The following SEH1L variants were observed in gnomAD, a reference collection of about 807,000 sequenced individuals.
SEH1L encodes nucleoporin SEH1.
A neutral mutation model predicts 49.5 loss-of-function variants in SEH1L; 18 were observed. The observed-to-expected ratio is 0.36, with a 90% CI of 0.25 to 0.54. SEH1L has a LOEUF of 0.54. SEH1L is among the 20% of genes least tolerant of loss of function. The pLI, the probability that SEH1L is intolerant of heterozygous loss-of-function variation, is 0.87. For missense variants in SEH1L, 404 were observed against 528.8 expected (o/e 0.76, Z 2.31); for synonymous variants, 169 against 178.1 (o/e 0.95, Z 0.41).
chr18:12,949,109 TCGGC>T (rs2030328677), intron 1 of SEH1L, among the ~76,000 whole-genome samples: 1 of 150,040 alleles, frequency 6.7e-6, no homozygotes, highest in African/African-American at 2.4e-5. Context: ...TCCACCCGCC[TCGGC>T]GCCTCGGCCT....
chr18:12,967,824 G>A (rs903278043), intron 4 of SEH1L, among the ~76,000 whole-genome samples: 5 of 152,080 alleles, frequency 3.3e-5, no homozygotes, highest in African/African-American at 1.2e-4. Flanking sequence ...TGAGGCAGGA[G>A]AATCGCTTGA....
chr18:12,978,724 A>C (rs771825366), intron 5 of SEH1L, 28 bp from the exon 6 acceptor site: 2 of 1,586,100 alleles, frequency 1.3e-6, no homozygotes, highest in South Asian at 2.2e-5. Flanking sequence ...TATTTCTAAA[A>C]TGTTAATGTC....
chr18:12,975,063 G>A (rs2031862027), intron 5 of SEH1L, among the ~76,000 whole-genome samples: 1 of 151,434 alleles, frequency 6.6e-6, no homozygotes, highest in African/African-American at 2.4e-5. Flanking sequence ...TGTGATCTCG[G>A]CTCACCGTAA....
At chr18:12,956,394 G>A (rs1288853000) in intron 3 of SEH1L, among the ~76,000 whole-genome samples, 1 of 150,324 alleles carries the variant, frequency 6.7e-6, no homozygotes, top group African/African-American at 2.4e-5. Context: ...AATTTAATGG[G>A]CCAAATTCAG....
At chr18:12,986,112 A>C in intron 8 of SEH1L, 1 of 984,728 alleles carries the variant, frequency 1.0e-6, no homozygotes, top group Non-Finnish European at 1.2e-6. Context: ...CATGTAAATT[A>C]ATTGTCAGCA....
intron 5 of SEH1L, chr18:12,976,196 G>C (rs1392550625): frequency 6.6e-6 from 1 of 152,240 alleles, no homozygotes; most frequent in Non-Finnish European, 1.5e-5. Flanking sequence ...CAGCACTCGT[G>C]TTCCTGCCAC....
chr18:12,983,922 A>G (rs1002228847), intron 7 of SEH1L, 118 bp from the exon 8 acceptor site: 6 of 633,064 alleles, frequency 9.5e-6, no homozygotes, highest in South Asian at 7.4e-5. Context: ...CCTGAAAGAA[A>G]TGTAGCTCAT....
At chr18:12,982,770 CTT>C in intron 7 of SEH1L, 95 bp downstream of exon 7, 1 of 933,866 alleles carries the variant, frequency 1.1e-6, no homozygotes, top group African/African-American at 1.7e-5. Context: ...TGAAAATGGT[CTT>C]TTACAGTTAC....
At chr18:12,950,193 C>T (rs2030434508) in intron 1 of SEH1L, among the ~76,000 whole-genome samples, 1 of 151,986 alleles carries the variant, frequency 6.6e-6, no homozygotes. Context: ...GCCACCACGC[C>T]TGGCCAATTA....
intron 1 of SEH1L, 48 bp downstream of exon 1, chr18:12,948,280 G>C: frequency 2.2e-6 from 3 of 1,380,542 alleles, no homozygotes; most frequent in Non-Finnish European, 3.1e-6. Context: ...GGAAGGAAGG[G>C]GAGTGGGTGG....
chr18:12,963,449 T>A, intron 4 of SEH1L, 78 bp downstream of exon 4: 1 of 1,168,550 alleles, frequency 8.6e-7, no homozygotes, highest in Non-Finnish European at 1.3e-6. Context: ...TTTGATAATT[T>A]ATTCTCTCAA....
At chr18:12,964,548 A>G (rs2031345710) in intron 4 of SEH1L, 1 of 151,572 alleles carries the variant, frequency 6.6e-6, no homozygotes, top group South Asian at 2.1e-4. Flanking sequence ...TGTTGGAGTT[A>G]TACTGGTAAT....
chr18:12,971,356 T>G, intron 5 of SEH1L, 105 bp downstream of exon 5: 1 of 777,452 alleles, frequency 1.3e-6, no homozygotes, highest in East Asian at 2.8e-5. Context: ...ATCATATGTT[T>G]GCTGATTTAC....
Position 12,960,031 on chromosome 18 carries a change from G to T in SEH1L, c.310-3129G>T, listed in dbSNP as rs564117515. 3.3e-5 allele frequency among the ~76,000 whole-genome samples: 5 copies of T among 152,302 alleles called. No homozygotes were observed. The East Asian group carries it at 9.7e-4, about 29-fold the overall frequency. ...GTGACTAGATCTAGTAAGGGAGGGGGAGTTTCACAGAATCCAGTGGAAAAG... is the reference window on the plus strand; with the variant it reads ...GTGACTAGATCTAGTAAGGGAGGGGTAGTTTCACAGAATCCAGTGGAAAAG... On this transcript the variant is annotated intron_variant, in intron 3 of 8. Coordinates refer to ENST00000399892, the MANE Select transcript of SEH1L (RefSeq NM_001013437.2).
chr18:12,959,519 T>G (rs992910080), intron 3 of SEH1L, among the ~76,000 whole-genome samples: 1 of 152,220 alleles, frequency 6.6e-6, no homozygotes, highest in African/African-American at 2.4e-5. Context: ...TGAAATTCGG[T>G]ATGCTTCAAT....
intron 4 of SEH1L, among the ~76,000 whole-genome samples, chr18:12,968,004 A>T (rs1475813242): frequency 6.6e-6 from 1 of 152,150 alleles, no homozygotes; most frequent in African/African-American, 2.4e-5. Flanking sequence ...ACAAGTGCAG[A>T]ATCTCTAAAT....
intron 4 of SEH1L, 45 bp from the exon 5 acceptor site, chr18:12,971,108 T>C: frequency 1.5e-6 from 2 of 1,320,600 alleles, no homozygotes; most frequent in Non-Finnish European, 2.2e-6. Flanking sequence ...GAATGAAATG[T>C]GTATTTCTTT....
At chr18:12,949,781 C>A (rs1350677509) in intron 1 of SEH1L, among the ~76,000 whole-genome samples, 1 of 152,058 alleles carries the variant, frequency 6.6e-6, no homozygotes, top group Non-Finnish European at 1.5e-5. Flanking sequence ...GTGTAGAATT[C>A]AGTGGCATAG....
chr18:12,948,399 TG>T, intron 1 of SEH1L, 167 bp downstream of exon 1: 1 of 526,104 alleles, frequency 1.9e-6, no homozygotes, highest in Non-Finnish European at 3.3e-6. Context: ...GCCCGCGTAT[TG>T]TGGGGTCACG....
Sources: allele counts gnomAD v4.1 joint callset (sites outside exome capture counted in the v4.1 genomes callset), GRCh38; gene constraint gnomAD v4.1.1; transcripts MANE v1.5; gene names NCBI Gene and HGNC (gene_info 2026-07-23, HGNC 2026-07-21).